KCP: variants seen among roughly 807,000 people sequenced by gnomAD.
KCP encodes kielin cysteine rich BMP regulator, also known as kielin/chordin-like protein.
KCP carries 194 observed loss-of-function variants against 212.7 expected under a neutral mutation model. The ratio of observed to expected loss-of-function variants is 0.91; its 90% confidence interval spans 0.81 to 1.03. KCP has a LOEUF of 1.03. KCP is among the 50% of genes least tolerant of loss of function. KCP has a pLI of 0.00. For missense variants in KCP, 2,080 were observed against 2,162.5 expected (o/e 0.96, Z 0.76); for synonymous variants, 833 against 865.3 (o/e 0.96, Z 0.65).
At position 128,887,310 on chromosome 7, in the gene KCP, C is replaced by T. The variant is rs1296299063; in HGVS notation, c.2513-10G>A. 2.6e-6 allele frequency: 4 copies of T among 1,549,710 alleles called. No homozygotes were observed. Among genetic ancestry groups the T allele is most frequent in the Admixed American group, 2.0e-5 (1 of 50,960 alleles). On this transcript the variant is annotated splice_polypyrimidine_tract_variant and intron_variant, in intron 22 of 39. Coordinates refer to ENST00000610776, the MANE Select transcript of KCP (RefSeq NM_001366122.1). ...CCATGGTAGCGGCATCCTGGCAGAGCGGGGAGTCCAACAGAAGAGCTGCCA... is the reference window on the plus strand; with the variant it reads ...CCATGGTAGCGGCATCCTGGCAGAGTGGGGAGTCCAACAGAAGAGCTGCCA...
intron 8 of KCP, 35 bp downstream of exon 8, chr7:128,902,742 G>T: frequency 1.3e-6 from 2 of 1,528,832 alleles, no homozygotes; most frequent in Non-Finnish European, 8.9e-7. Flanking sequence ...TGAGGGCAGG[G>T]AGGGGGACAG....
Position 128,886,639 on chromosome 7 carries a change from C to G in KCP, c.2772+16G>C. ...TGGTCCAGCTGTCACTCCACACCCC[C>G]CACCTCCTGCTATACCTGACAGCGA... On this transcript the variant is annotated intron_variant, in intron 25 of 39. Coordinates refer to ENST00000610776, the MANE Select transcript of KCP (RefSeq NM_001366122.1). 3 of 1,551,388 alleles carry G rather than the reference C, an allele frequency of 1.9e-6. No homozygotes were observed. The highest frequency in any genetic ancestry group is 2.6e-6 in the Non-Finnish European group (3 of 1,146,838).
At chr7:128,908,343 C>G (rs368144821) in intron 2 of KCP, 83 bp downstream of exon 2, 46 of 1,305,854 alleles carry the variant, frequency 3.5e-5, no homozygotes, top group African/African-American at 2.1e-4. Flanking sequence ...TTAGGCTCCC[C>G]CCTCCAAGCC....
chr7:128,877,541 C>T lies in KCP; in HGVS notation c.4561G>A (p.Ala1521Thr), dbSNP rs1004884227. ...ACTCCTGCCTGGCGACAGTGACTGG[C>T]GTAGGCTTCCAGGGCATCACAGAGG... ...ACLCDALEAY[A>T]SHCRQAGVTP... Residue 1521 changes from alanine to threonine, a missense_variant, in exon 39 of 40, where the codon GCC becomes ACC. Physicochemically the swap from Ala to Thr is moderately conservative, Grantham distance 58. Coordinates refer to ENST00000610776, the MANE Select transcript of KCP (RefSeq NM_001366122.1). 1.2e-5 allele frequency: 19 copies of T among 1,551,310 alleles called. No homozygotes were observed. The highest frequency in any genetic ancestry group is 3.9e-5 in the Admixed American group (2 of 50,990).
intron 38 of KCP, among the ~76,000 whole-genome samples, chr7:128,878,006 C>A (rs1485048368): frequency 6.6e-6 from 1 of 152,008 alleles, no homozygotes; most frequent in African/African-American, 2.4e-5. Flanking sequence ...CAAGGTCACA[C>A]AGCCAGTGAG....
intron 37 of KCP, 37 bp from the exon 38 acceptor site, chr7:128,878,759 G>C (rs1467718353): frequency 1.0e-5 from 16 of 1,535,230 alleles, no homozygotes; most frequent in Non-Finnish European, 1.4e-5. Flanking sequence ...AGCAGGGAAG[G>C]ACAGGGGCCT....
chr7:128,906,041 G>A, intron 5 of KCP, among the ~76,000 whole-genome samples: 1 of 152,134 alleles, frequency 6.6e-6, no homozygotes, highest in Non-Finnish European at 1.5e-5. Flanking sequence ...AACTAGATTG[G>A]AGGCTCCCTG....
In KCP at chr7:128,886,721, G is replaced by T; in HGVS notation, c.2706C>A (p.Gly902=). The part of the protein sequence containing the change: ...CPVCHSCLSQ[G]REHQDGEEFE... Reference sequence around the variant, plus strand: ...ACTCCTCCCCATCCTGGTGCTCCCGGCCCTGAGAGAGACAGCCTGTGGGGG... The same window carrying T: ...ACTCCTCCCCATCCTGGTGCTCCCGTCCCTGAGAGAGACAGCCTGTGGGGG... The change falls in exon 25 of 40, where the codon GGC becomes GGA. Residue 902 remains glycine (G), a synonymous_variant. Transcript: ENST00000610776. 1 of 1,551,606 alleles carries T rather than the reference G, an allele frequency of 6.4e-7. No individual in the cohort carries two copies. Among genetic ancestry groups the T allele is most frequent in the Non-Finnish European group, 8.7e-7 (1 of 1,146,908 alleles).
intron 1 of KCP, among the ~76,000 whole-genome samples, chr7:128,910,298 T>C (rs917544200): frequency 3.9e-5 from 6 of 152,088 alleles, no homozygotes; most frequent in African/African-American, 1.4e-4. Flanking sequence ...GGGCCCCTTT[T>C]CTCCCCCTCC....
Position 128,881,957 on chromosome 7 carries a change from AGGGGTCTGGTG to A in KCP, c.3293_3303del (p.Pro1098LeufsTer20). 6.4e-7 allele frequency: 1 copy of A among 1,551,404 alleles called. No individual in the cohort carries two copies. The highest frequency in any genetic ancestry group is 8.7e-7 in the Non-Finnish European group (1 of 1,146,934). On this transcript the variant is annotated frameshift_variant, in exon 30 of 40. Transcript: ENST00000610776. LOFTEE classifies it high-confidence loss of function. The stretch of plus-strand genomic sequence containing the variant: ...CTCACCTGGCACTGGCACGTGTAGC[AGGGGTCTGGTG>A]GGGCTAGCTCAGATCCCAGCAGGCC...
intron 31 of KCP, 36 bp from the exon 32 acceptor site, chr7:128,881,121 C>G: frequency 2.5e-6 from 1 of 398,944 alleles, no homozygotes; most frequent in Non-Finnish European, 4.4e-6. Context: ...AGGCACTGTC[C>G]CTCCTGCTGT....
intron 26 of KCP, 133 bp from the exon 27 acceptor site, chr7:128,885,403 A>T: frequency 1.1e-6 from 1 of 870,082 alleles, no homozygotes; most frequent in Non-Finnish European, 1.8e-6. Context: ...GGAAGGTGCG[A>T]TGGGGCAGAA....
rs1585195061 is a variant in KCP at position 128,880,604 on chromosome 7, A to C, written c.3616+15T>G. ...AGGTCTGGCTTACCCCTCCCCCATC[A>C]CCCTGGCTGCGCACCTTGGCATCGC... On this transcript the variant is annotated intron_variant, in intron 33 of 39. Transcript: ENST00000610776. The C allele has an allele frequency of 1.6e-6, 2 of 1,274,878 alleles. No homozygotes were observed. Among genetic ancestry groups the C allele is most frequent in the Non-Finnish European group, 2.0e-6 (2 of 980,786 alleles). 79.0% of individuals were successfully genotyped at this position (1,274,878 alleles called of 1,614,324 possible).
rs867351275 is a variant in KCP at position 128,908,251 on chromosome 7, G to A, written c.219+175C>T. ...AGGAAAGAAGAAAGGAAGAAAGAAA[G>A]AAGAAAGAAAGAAAGAAAGAAAGAA... On this transcript the variant is annotated intron_variant, in intron 2 of 39. Transcript: ENST00000610776. Among the ~76,000 whole-genome samples the A allele has an allele frequency of 6.7e-3, 682 of 101,250 alleles. 3 individuals are homozygous for A. The highest frequency in any genetic ancestry group is 0.011 in the Non-Finnish European group (562 of 50,534). The allele number at this position is 101,250 out of a possible 152,430, so 66.4% of individuals were successfully genotyped here. A position where few individuals can be genotyped will look rare whatever the true frequency, so the allele number is the denominator to read the frequency against.
rs1482127028 is a variant in KCP, at chr7:128,894,250, C to A, written c.875G>T (p.Cys292Phe). ...QCRQRECASL[C>F]PYPARPLPGT... ...TGGGAGGGGCCGGGCTGGGTATGGACACAGGCTGGCACATTCTCGCTGGCG... is the reference window on the plus strand; with the variant it reads ...TGGGAGGGGCCGGGCTGGGTATGGAAACAGGCTGGCACATTCTCGCTGGCG... The change falls in exon 9 of 40, where the codon TGT becomes TTT. Residue 292 changes from cysteine (C) to phenylalanine (F), a missense_variant. Cys to Phe is a radical substitution (Grantham distance 205). Transcript: ENST00000610776. 6.5e-7 allele frequency: 1 copy of A among 1,544,410 alleles called. No individual in the cohort carries two copies. Among genetic ancestry groups the A allele is most frequent in the Admixed American group, 2.0e-5 (1 of 50,648 alleles).
chr7:128,906,204 A>G, intron 5 of KCP, 75 bp downstream of exon 5: 3 of 1,269,160 alleles, frequency 2.4e-6, no homozygotes, highest in East Asian at 5.0e-5. Flanking sequence ...TCCCAGACTC[A>G]CTGAGGTGGC....
intron 26 of KCP, 81 bp downstream of exon 26, chr7:128,886,383 C>T: frequency 8.5e-7 from 1 of 1,183,386 alleles, no homozygotes; most frequent in Non-Finnish European, 1.2e-6. Flanking sequence ...GAAGAGCTGG[C>T]TGAGGGGAGG....
chr7:128,887,607 C>T (rs902224312), intron 22 of KCP, among the ~76,000 whole-genome samples: 1 of 146,152 alleles, frequency 6.8e-6, no homozygotes, highest in Admixed American at 6.8e-5. Context: ...ACAGCCACAC[C>T]TACACCCCCC....
At chr7:128,908,957 G>A (rs1795295262) in intron 1 of KCP, among the ~76,000 whole-genome samples, 1 of 140,676 alleles carries the variant, frequency 7.1e-6, no homozygotes, top group Non-Finnish European at 1.5e-5. Flanking sequence ...GGTTCCTGGG[G>A]GCTCCCACAT....
Sources: gnomAD v4.1 joint callset for allele counts (sites outside exome capture counted in the v4.1 genomes callset) on GRCh38, gnomAD v4.1.1 for gene constraint, MANE v1.5 for transcripts, NCBI Gene and HGNC (gene_info 2026-07-23, HGNC 2026-07-21) for gene names.